Variants in CNTNAP3B observed in about 807,000 individuals in gnomAD.
The protein encoded by CNTNAP3B is contactin associated protein family member 3B, also known as contactin-associated protein-like 3B.
Under a neutral mutation model 108.9 loss-of-function variants are expected in CNTNAP3B, and 25 were observed. The observed-to-expected ratio is 0.23, with a 90% CI of 0.17 to 0.32. The LOEUF (loss-of-function observed/expected upper bound fraction) is 0.32, where lower values mean the gene tolerates loss of function less well. Ranked by LOEUF, CNTNAP3B falls within the 10% of genes least tolerant of loss-of-function variation. The pLI is 1.00. For synonymous variants in CNTNAP3B, 103 were observed against 473.4 expected, an observed-to-expected ratio of 0.22 and a Z score of 10.16; for missense variants, 252 against 1,210.4, an observed-to-expected ratio of 0.21 and a Z score of 11.75.
intron 11 of CNTNAP3B, among the ~76,000 whole-genome samples, chr9:41,962,778 A>G (rs1209870230): frequency 4.6e-5 from 7 of 151,992 alleles, no homozygotes; most frequent in Non-Finnish European, 7.4e-5. Flanking sequence ...ACATGGCAAA[A>G]CCCCGTCTCT....
At chr9:41,917,158 C>T (rs1392488488) in intron 18 of CNTNAP3B, among the ~76,000 whole-genome samples, 183 of 150,118 alleles carry the variant, frequency 1.2e-3, no homozygotes, top group Middle Eastern at 3.4e-3. Context: ...TTTTCAATTA[C>T]GTATATGTTG....
intron 3 of CNTNAP3B, among the ~76,000 whole-genome samples, chr9:42,030,802 A>G (rs1826506316): frequency 1.2e-5 from 1 of 85,100 alleles, no homozygotes; most frequent in Non-Finnish European, 2.4e-5. Flanking sequence ...CGAGAGAGAG[A>G]GAGAGAGAGA....
intron 10 of CNTNAP3B, among the ~76,000 whole-genome samples, chr9:41,966,331 G>A (rs1391687764): frequency 6.6e-6 from 1 of 152,302 alleles, no homozygotes; most frequent in African/African-American, 2.4e-5. Flanking sequence ...AAAATATTTG[G>A]AAATAAGAAC....
intron 3 of CNTNAP3B, among the ~76,000 whole-genome samples, chr9:42,054,975 C>G (rs1413243347): frequency 7.0e-6 from 1 of 143,676 alleles, no homozygotes; most frequent in Non-Finnish European, 1.5e-5. Context: ...CACATCCCAG[C>G]CACTGCCCTT....
chr9:42,060,090 T>G (rs191023107), intron 3 of CNTNAP3B, among the ~76,000 whole-genome samples: 125 of 146,622 alleles, frequency 8.5e-4, no homozygotes, highest in Admixed American at 8.2e-3. Flanking sequence ...GTGGGCATCC[T>G]TGTCTTGTTT....
At position 42,099,091 on chromosome 9, in the gene CNTNAP3B, G is replaced by A. The variant is rs191085195; in HGVS notation, c.196+5538C>T. ...TCAAAATAACTGGAGAAGAAATGAGGCAGAAAGTATCTTTTTAAACACAAT... is the reference window on the plus strand; with the variant it reads ...TCAAAATAACTGGAGAAGAAATGAGACAGAAAGTATCTTTTTAAACACAAT... On this transcript the variant is annotated intron_variant, in intron 2 of 23. Transcript: ENST00000377561. Among the ~76,000 whole-genome samples, 611 of 136,146 alleles carry A rather than the reference G, an allele frequency of 4.5e-3. 81 individuals are homozygous for A. The highest frequency in any genetic ancestry group is 6.7e-3 in the Admixed American group (91 of 13,630). 89.3% of individuals were successfully genotyped at this position (136,146 alleles called of 152,430 possible).
rs1464343501 is a variant in CNTNAP3B, at chr9:42,106,450, A to G, written c.86-1711T>C. Among the ~76,000 whole-genome samples, 23 of 113,944 alleles carry G rather than the reference A, an allele frequency of 2.0e-4. 1 individual carries two copies. The highest frequency in any genetic ancestry group is 2.9e-4 in the Non-Finnish European group (16 of 55,488). 74.8% of individuals were successfully genotyped at this position (113,944 alleles called of 152,430 possible). A position where few individuals can be genotyped will look rare whatever the true frequency, so the allele number is the denominator to read the frequency against. Reference sequence around the variant, plus strand: ...ACATCTTTAGCATGAAGAGCACCCAATATTTTTACACAGCAAGAAGCCATT... The same window carrying G: ...ACATCTTTAGCATGAAGAGCACCCAGTATTTTTACACAGCAAGAAGCCATT... On this transcript the variant is annotated intron_variant, in intron 1 of 23. Coordinates refer to ENST00000377561, the MANE Select transcript of CNTNAP3B (RefSeq NM_001201380.3).
At chr9:41,960,285 A>G (rs1358718284) in intron 12 of CNTNAP3B, 6 of 170,598 alleles carry the variant, frequency 3.5e-5, no homozygotes, top group Middle Eastern at 2.7e-3. Flanking sequence ...GGCGTGAGCC[A>G]CCATGCGCAG....
intron 8 of CNTNAP3B, among the ~76,000 whole-genome samples, chr9:41,990,347 G>A (rs1825782463): frequency 8.0e-6 from 1 of 125,444 alleles, no homozygotes; most frequent in East Asian, 2.6e-4. Context: ...ATGGAAACTA[G>A]GTTTGCATTT....
At chr9:41,969,563 A>G (rs62556382) in intron 10 of CNTNAP3B, among the ~76,000 whole-genome samples, 9,598 of 136,754 alleles carry the variant, frequency 0.07, 7 homozygotes, top group Middle Eastern at 0.13. Context: ...TAAGGTGTAT[A>G]TCTTCTAATA....
In CNTNAP3B at chr9:42,099,746, G is replaced by A. The variant is rs565556503; in HGVS notation, c.196+4883C>T. Among the ~76,000 whole-genome samples the A allele has an allele frequency of 3.3e-4, 36 of 109,218 alleles. 3 individuals carry two copies. In the South Asian group the frequency reaches 6.4e-3, roughly 19 times the overall value. 71.7% of individuals were successfully genotyped at this position (109,218 alleles called of 152,430 possible). On this transcript the variant is annotated intron_variant, in intron 2 of 23. Transcript: ENST00000377561. The stretch of plus-strand genomic sequence containing the variant: ...GCAACTTTAAAAAGGAGCAATTGCA[G>A]AGGTGTCAAGCCACAAATAACAATG...
At chr9:42,042,986 AATCATC>A (rs572354695) in intron 3 of CNTNAP3B, among the ~76,000 whole-genome samples, 1 of 142,532 alleles carries the variant, frequency 7.0e-6, no homozygotes, top group African/African-American at 2.6e-5. Flanking sequence ...CTCAAATTCA[AATCATC>A]ATCATCATCA....
Position 42,044,588 on chromosome 9 carries a change from G to T in CNTNAP3B, c.391-31063C>A, listed in dbSNP as rs1422996081. Among the ~76,000 whole-genome samples, 7 of 127,910 alleles carry T rather than the reference G, an allele frequency of 5.5e-5. No homozygotes were observed. The East Asian group carries it at 1.8e-3, about 33-fold the overall frequency. The allele number at this position is 127,910 out of a possible 152,430, so 83.9% of individuals were successfully genotyped here. ...GGAAACAAGGAGCGCACAGGCTGGG[G>T]CCCAGAGAGTTTACACGACTCCTGA... On this transcript the variant is annotated intron_variant, in intron 3 of 23. Coordinates refer to ENST00000377561, the MANE Select transcript of CNTNAP3B (RefSeq NM_001201380.3).
At position 41,942,547 on chromosome 9, in the gene CNTNAP3B, C is replaced by G. The variant is rs1203945501; in HGVS notation, c.2081-4147G>C. Among the ~76,000 whole-genome samples the G allele has an allele frequency of 2.6e-4, 39 of 150,202 alleles. No homozygotes were observed. In the East Asian group the frequency reaches 6.5e-3, roughly 25 times the overall value. On this transcript the variant is annotated intron_variant, in intron 13 of 23. Coordinates refer to ENST00000377561, the MANE Select transcript of CNTNAP3B (RefSeq NM_001201380.3). ...AATGGCGTGAACCCGGGAGACGGAG[C>G]TTGCAGTCAGCTGAGATGGCGCCAC... is the stretch of plus-strand genomic sequence containing the variant.
At chr9:41,931,692 A>G (rs1823982367) in intron 14 of CNTNAP3B, among the ~76,000 whole-genome samples, 1 of 150,558 alleles carries the variant, frequency 6.6e-6, no homozygotes, top group African/African-American at 2.5e-5. Context: ...GAGTGGACTG[A>G]TGGTAGACAA....
At chr9:41,957,651 C>T (rs2118178260) in intron 12 of CNTNAP3B, among the ~76,000 whole-genome samples, 1 of 151,590 alleles carries the variant, frequency 6.6e-6, no homozygotes, top group South Asian at 2.1e-4. Context: ...ATGCTATCTA[C>T]TTTACCCATT....
chr9:42,035,674 T>C (rs1405273825), intron 3 of CNTNAP3B, among the ~76,000 whole-genome samples: 8 of 150,942 alleles, frequency 5.3e-5, no homozygotes, highest in African/African-American at 2.0e-4. Context: ...TTTATTGTTT[T>C]AGAGACAGGG....
At chr9:42,031,035 GT>G (rs1826515996) in intron 3 of CNTNAP3B, among the ~76,000 whole-genome samples, 1 of 100,232 alleles carries the variant, frequency 1.0e-5, no homozygotes, top group Non-Finnish European at 2.0e-5. Flanking sequence ...CCAGGTTTGA[GT>G]CTCTTTATCT....
chr9:42,028,780 A>G (rs1257501617), intron 3 of CNTNAP3B, among the ~76,000 whole-genome samples: 1 of 150,432 alleles, frequency 6.6e-6, no homozygotes, highest in Admixed American at 6.6e-5. Context: ...CTTAGCATTT[A>G]TAAGAAATAT....
Sources: allele counts gnomAD v4.1 joint callset (sites outside exome capture counted in the v4.1 genomes callset), GRCh38; gene constraint gnomAD v4.1.1; transcripts MANE v1.5; gene names NCBI Gene and HGNC (gene_info 2026-07-23, HGNC 2026-07-21).